The following SDK1 variants were observed in gnomAD, a reference collection of about 807,000 sequenced individuals.
SDK1 encodes the protein sidekick cell adhesion molecule 1, also known as protein sidekick-1.
SDK1 carries 157 observed loss-of-function variants against 245.5 expected under a neutral mutation model. The ratio of observed to expected loss-of-function variants is 0.64; its 90% confidence interval spans 0.56 to 0.73. The LOEUF is 0.73. SDK1 is among the 30% of genes least tolerant of loss of function. The pLI is 0.00. For synonymous variants in SDK1, 1,647 were observed against 1,278.5 expected, an observed-to-expected ratio of 1.29 and a Z score of -6.15; for missense variants, 3,583 against 3,002.3, an observed-to-expected ratio of 1.19 and a Z score of -4.52.
At chr7:4,166,826 G>A (rs1222564246) in intron 32 of SDK1, among the ~76,000 whole-genome samples, 1 of 152,196 alleles carries the variant, frequency 6.6e-6, no homozygotes, top group African/African-American at 2.4e-5. Context: ...AGGAGAGTTA[G>A]GCCCTGCCCT....
chr7:3,704,919 T>C (rs1348048398), intron 4 of SDK1, among the ~76,000 whole-genome samples: 4 of 152,242 alleles, frequency 2.6e-5, no homozygotes, highest in Non-Finnish European at 5.9e-5. Context: ...TAGCCACTTT[T>C]CTCAATACCA....
intron 1 of SDK1, among the ~76,000 whole-genome samples, chr7:3,333,855 G>C (rs182114726): frequency 1.3e-5 from 2 of 152,328 alleles, no homozygotes; most frequent in Admixed American, 1.3e-4. Flanking sequence ...TTGTGCTAGA[G>C]TATAATTCCC....
chr7:3,565,090 A>G (rs1319431414), intron 1 of SDK1, among the ~76,000 whole-genome samples: 5 of 151,508 alleles, frequency 3.3e-5, no homozygotes, highest in Non-Finnish European at 1.5e-5. Context: ...AGTTGCTACT[A>G]CTGTCACTTT....
At chr7:3,331,114 A>G (rs1780058138) in intron 1 of SDK1, among the ~76,000 whole-genome samples, 1 of 152,090 alleles carries the variant, frequency 6.6e-6, no homozygotes, top group African/African-American at 2.4e-5. Flanking sequence ...AAATACAAAA[A>G]TTAGCTGGGT....
intron 1 of SDK1, among the ~76,000 whole-genome samples, chr7:3,376,922 C>T (rs1781370551): frequency 6.6e-6 from 1 of 152,004 alleles, no homozygotes. Context: ...CTGGATCTGT[C>T]TCCACTTCTC....
At chr7:3,464,174 C>T (rs942008438) in intron 1 of SDK1, among the ~76,000 whole-genome samples, 9 of 152,116 alleles carry the variant, frequency 5.9e-5, no homozygotes, top group Non-Finnish European at 1.2e-4. Flanking sequence ...ATACATGTTC[C>T]AAGTATATGA....
chr7:3,906,607 A>T (rs113939485), intron 5 of SDK1, among the ~76,000 whole-genome samples: 2,129 of 130,936 alleles, frequency 0.016, 77 homozygotes, highest in African/African-American at 0.055. Flanking sequence ...CACAGGTAGC[A>T]TTTCAGTGTC....
chr7:3,672,760 TA>T (rs1562646626), intron 4 of SDK1, among the ~76,000 whole-genome samples: 41 of 40,056 alleles, frequency 1.0e-3, no homozygotes, highest in African/African-American at 3.9e-3. Context: ...TATATAATTT[TA>T]TATATATATA....
chr7:3,303,244 G>C (rs1212659243), intron 1 of SDK1, among the ~76,000 whole-genome samples: 1 of 152,180 alleles, frequency 6.6e-6, no homozygotes, highest in African/African-American at 2.4e-5. Context: ...TGTACAGTGG[G>C]ATCTGTAGAT....
At chr7:3,880,543 CTTTTTTTTTTTTTT>C (rs5882008) in intron 5 of SDK1, among the ~76,000 whole-genome samples, 7 of 92,006 alleles carry the variant, frequency 7.6e-5, no homozygotes, top group African/African-American at 1.6e-4. Context: ...ATGCCCTGGT[CTTTTTTTTTTTTTT>C]TTTTTTTTTT....
chr7:3,693,559 GT>G (rs1370652938), intron 4 of SDK1, among the ~76,000 whole-genome samples: 3 of 151,714 alleles, frequency 2.0e-5, no homozygotes, highest in African/African-American at 7.3e-5. Flanking sequence ...CCTTTGATAT[GT>G]TTTTTTCATA....
intron 4 of SDK1, among the ~76,000 whole-genome samples, chr7:3,657,137 G>A (rs1344999143): frequency 2.6e-5 from 4 of 152,300 alleles, no homozygotes; most frequent in African/African-American, 9.6e-5. Flanking sequence ...AGGGAGAAAG[G>A]GATGTGCTTG....
intron 1 of SDK1, among the ~76,000 whole-genome samples, chr7:3,517,999 C>G (rs1782806086): frequency 6.6e-6 from 1 of 151,848 alleles, no homozygotes; most frequent in Admixed American, 6.6e-5. Flanking sequence ...AGAAGCTTAC[C>G]AGAAGTACTT....
chr7:4,152,957 C>T (rs1184922777), intron 30 of SDK1, among the ~76,000 whole-genome samples: 8 of 152,096 alleles, frequency 5.3e-5, no homozygotes, highest in Admixed American at 3.3e-4. Context: ...GGGGTAGCCA[C>T]CCACAGAAAT....
intron 1 of SDK1, among the ~76,000 whole-genome samples, chr7:3,503,258 C>G (rs1782275478): frequency 6.6e-6 from 1 of 152,200 alleles, no homozygotes; most frequent in African/African-American, 2.4e-5. Flanking sequence ...TCAGGAATCT[C>G]AGCATCCCTA....
At chr7:3,515,478 C>T (rs186528982) in intron 1 of SDK1, among the ~76,000 whole-genome samples, 8 of 152,176 alleles carry the variant, frequency 5.3e-5, no homozygotes, top group Admixed American at 3.3e-4. Context: ...AACTCTGTAA[C>T]TTCATGAATG....
At chr7:4,262,298 C>T (rs978105746) in intron 44 of SDK1, among the ~76,000 whole-genome samples, 4 of 151,730 alleles carry the variant, frequency 2.6e-5, no homozygotes, top group South Asian at 2.1e-4. Flanking sequence ...TCAGGTGATC[C>T]GCTCGCCTCA....
rs759349858 is a variant in SDK1 at position 4,000,697 on chromosome 7, G to A, written c.2132-10269G>A. Among the ~76,000 whole-genome samples the A allele has an allele frequency of 3.9e-5, 6 of 152,206 alleles. No homozygotes were observed. The South Asian group carries it at 8.3e-4, about 21-fold the overall frequency. On this transcript the variant is annotated intron_variant, in intron 14 of 44. Coordinates refer to ENST00000404826, the MANE Select transcript of SDK1 (RefSeq NM_152744.4). ...GTGCTGTTTTGCTTGCCAAAATGGC[G>A]AAGAGACTTTGTTCTTCATGCTTCA...
intron 1 of SDK1, among the ~76,000 whole-genome samples, chr7:3,415,428 CAATG>C (rs1358751452): frequency 6.6e-6 from 1 of 151,780 alleles, no homozygotes; most frequent in Non-Finnish European, 1.5e-5. Context: ...AGATAAAAAA[CAATG>C]AGAGGTAGGT....
Sources: allele counts gnomAD v4.1 joint callset (sites outside exome capture counted in the v4.1 genomes callset), GRCh38; gene constraint gnomAD v4.1.1; transcripts MANE v1.5; gene names NCBI Gene and HGNC (gene_info 2026-07-23, HGNC 2026-07-21).